ADCY2: variants seen among roughly 807,000 people sequenced by gnomAD.
The protein encoded by ADCY2 is adenylate cyclase type 2.
A neutral mutation model predicts 125.2 loss-of-function variants in ADCY2; 31 were observed. The observed-to-expected ratio is 0.25, with a 90% confidence interval of 0.19 to 0.33. The LOEUF (loss-of-function observed/expected upper bound fraction) is 0.33. Ranked by LOEUF, ADCY2 falls within the 10% of genes least tolerant of loss-of-function variation. ADCY2 has a pLI of 1.00. For synonymous variants in ADCY2, 512 were observed against 548.4 expected, an observed-to-expected ratio of 0.93 and a Z score of 0.93; for missense variants, 904 against 1,418.2, an observed-to-expected ratio of 0.64 and a Z score of 5.82.
intron 17 of ADCY2, among the ~76,000 whole-genome samples, chr5:7,770,858 T>A (rs1743532927): frequency 1.3e-5 from 2 of 152,242 alleles, no homozygotes; most frequent in South Asian, 4.1e-4. Context: ...GTTTTGTGTT[T>A]TTAATTTCTA....
At position 7,765,758 on chromosome 5, in the gene ADCY2, A is replaced by G. The variant is rs191061092; in HGVS notation, c.2095-929A>G. 4.6e-5 allele frequency among the ~76,000 whole-genome samples: 7 copies of G among 152,306 alleles called. No individual in the cohort carries two copies. The East Asian group carries it at 1.2e-3, about 25-fold the overall frequency. ...TGGTTAACCCTATGCAGAAAACACA[A>G]GCTGTTTAATAGGTTTATGGATGAG... On this transcript the variant is annotated intron_variant, in intron 16 of 24. Coordinates refer to ENST00000338316, the MANE Select transcript of ADCY2 (RefSeq NM_020546.3).
intron 4 of ADCY2, among the ~76,000 whole-genome samples, chr5:7,629,274 G>T (rs1226408894): frequency 1.3e-5 from 2 of 152,180 alleles, no homozygotes; most frequent in Non-Finnish European, 2.9e-5. Flanking sequence ...CCTTGGAGAG[G>T]ATACAGTGGC....
chr5:7,654,889 G>C (rs1205466092), intron 4 of ADCY2, among the ~76,000 whole-genome samples: 1 of 152,194 alleles, frequency 6.6e-6, no homozygotes, highest in Non-Finnish European at 1.5e-5. Context: ...GGAAATCCCT[G>C]TTTAGGGGAA....
chr5:7,778,962 C>T (rs1743827563), intron 18 of ADCY2, among the ~76,000 whole-genome samples: 1 of 152,152 alleles, frequency 6.6e-6, no homozygotes, highest in African/African-American at 2.4e-5. Flanking sequence ...CATTCCAAGC[C>T]ATAATATAGT....
At chr5:7,504,618 T>C (rs1743732716) in intron 2 of ADCY2, among the ~76,000 whole-genome samples, 1 of 139,098 alleles carries the variant, frequency 7.2e-6, no homozygotes, top group African/African-American at 2.8e-5. Context: ...TTTTTCTTTC[T>C]TTTTTTTTTT....
intron 19 of ADCY2, among the ~76,000 whole-genome samples, chr5:7,789,285 G>A (rs1396154375): frequency 6.6e-6 from 1 of 152,156 alleles, no homozygotes; most frequent in Non-Finnish European, 1.5e-5. Context: ...TCTCTACAGA[G>A]GTATTTTTCA....
At chr5:7,764,090 A>G (rs1382304707) in intron 16 of ADCY2, among the ~76,000 whole-genome samples, 1 of 152,230 alleles carries the variant, frequency 6.6e-6, no homozygotes, top group Non-Finnish European at 1.5e-5. Context: ...ATTGAATGCC[A>G]AAATGTCCAA....
intron 2 of ADCY2, among the ~76,000 whole-genome samples, chr5:7,430,507 T>C (rs1740548949): frequency 6.8e-6 from 1 of 146,190 alleles, no homozygotes; most frequent in Non-Finnish European, 1.5e-5. Flanking sequence ...CACATATATA[T>C]GTTCATGTGT....
At chr5:7,810,148 A>G (rs1744886837) in intron 22 of ADCY2, among the ~76,000 whole-genome samples, 2 of 152,276 alleles carry the variant, frequency 1.3e-5, no homozygotes, top group South Asian at 2.1e-4. Flanking sequence ...CTTGACTTGT[A>G]GAGTTTTGCT....
At chr5:7,536,329 T>G (rs1286379991) in intron 3 of ADCY2, among the ~76,000 whole-genome samples, 1 of 151,620 alleles carries the variant, frequency 6.6e-6, no homozygotes, top group African/African-American at 2.4e-5. Flanking sequence ...ATTTGGCCAT[T>G]ACAGTACTGG....
chr5:7,747,899 C>T (rs911063758), intron 15 of ADCY2, among the ~76,000 whole-genome samples: 1 of 152,200 alleles, frequency 6.6e-6, no homozygotes, highest in African/African-American at 2.4e-5. Flanking sequence ...TTGGGTTGCA[C>T]CCAAGTGCGG....
chr5:7,658,621 C>G lies in ADCY2; in HGVS notation c.721-32070C>G, dbSNP rs562439640. On this transcript the variant is annotated intron_variant, in intron 4 of 24. Coordinates refer to ENST00000338316, the MANE Select transcript of ADCY2 (RefSeq NM_020546.3). The stretch of plus-strand genomic sequence containing the variant: ...TACTGCATTGCTTCTGTAAAAAGCA[C>G]AAATCTAAGGAAGCAGAAGGATTAA... Among the ~76,000 whole-genome samples, 132 of 152,050 alleles carry G rather than the reference C, an allele frequency of 8.7e-4. 1 individual carries two copies. The highest frequency in any genetic ancestry group is 3.1e-3 in the African/African-American group (130 of 41,498).
chr5:7,704,897 T>C (rs892585460), intron 7 of ADCY2, among the ~76,000 whole-genome samples: 1 of 148,416 alleles, frequency 6.7e-6, no homozygotes, highest in Non-Finnish European at 1.5e-5. Flanking sequence ...AAAAAAAAAA[T>C]TGTGGCTAAT....
intron 3 of ADCY2, among the ~76,000 whole-genome samples, chr5:7,561,235 G>A (rs1735697696): frequency 6.6e-6 from 1 of 152,106 alleles, no homozygotes; most frequent in Admixed American, 6.6e-5. Flanking sequence ...TTGTTTGATG[G>A]CAGGGATGTG....
chr5:7,694,444 C>T (rs1438301554), intron 5 of ADCY2, among the ~76,000 whole-genome samples: 2 of 152,148 alleles, frequency 1.3e-5, no homozygotes, highest in Non-Finnish European at 1.5e-5. Flanking sequence ...CTCCACAACT[C>T]CCCCTCCCCC....
intron 4 of ADCY2, among the ~76,000 whole-genome samples, chr5:7,628,632 T>C (rs1738209224): frequency 6.6e-6 from 1 of 152,198 alleles, no homozygotes; most frequent in African/African-American, 2.4e-5. Flanking sequence ...TTAAATATGT[T>C]TAATATAATA....
At chr5:7,640,791 G>A (rs1331162707) in intron 4 of ADCY2, among the ~76,000 whole-genome samples, 1 of 152,020 alleles carries the variant, frequency 6.6e-6, no homozygotes, top group Non-Finnish European at 1.5e-5. Context: ...CATAGGTGTT[G>A]TCTCTATGCA....
chr5:7,806,592 C>A (rs1322953965), intron 22 of ADCY2, among the ~76,000 whole-genome samples: 1 of 152,140 alleles, frequency 6.6e-6, no homozygotes, highest in Non-Finnish European at 1.5e-5. Flanking sequence ...TCTTAGGCCT[C>A]CCATGGAGGG....
At chr5:7,657,264 G>C (rs979673804) in intron 4 of ADCY2, among the ~76,000 whole-genome samples, 1 of 152,346 alleles carries the variant, frequency 6.6e-6, no homozygotes, top group East Asian at 1.9e-4. Flanking sequence ...TTAGTCCACT[G>C]GAGGGCTGAG....
Sources: allele counts gnomAD v4.1 joint callset (sites outside exome capture counted in the v4.1 genomes callset), GRCh38; gene constraint gnomAD v4.1.1; transcripts MANE v1.5; gene names NCBI Gene and HGNC (gene_info 2026-07-23, HGNC 2026-07-21).